LPCAT2: variants seen among roughly 807,000 people sequenced by gnomAD.
LPCAT2 encodes the protein lysophosphatidylcholine acyltransferase 2.
Under a neutral mutation model 64.7 loss-of-function variants are expected in LPCAT2, and 58 were observed. That is an observed-to-expected ratio of 0.90 (90% CI 0.73 to 1.12). The LOEUF is 1.12. LPCAT2 is among the 50% of genes most tolerant of loss of function. LPCAT2 has a pLI of 0.00. For missense variants in LPCAT2, 579 were observed against 669.8 expected, an observed-to-expected ratio of 0.86 and a Z score of 1.50; for synonymous variants, 252 against 245.3, an observed-to-expected ratio of 1.03 and a Z score of -0.26.
chr16:55,531,977 G>T lies in LPCAT2; in HGVS notation c.703+3G>T. ...CTGTTTGATTACTTTTAAACCAGGT[G>T]AGAAAAATTAAATTATGTATTCTAA... On this transcript the variant is annotated splice_donor_region_variant and intron_variant, in intron 5 of 13. Coordinates refer to ENST00000262134, the MANE Select transcript of LPCAT2 (RefSeq NM_017839.5). 1.3e-6 allele frequency: 2 copies of T among 1,551,706 alleles called. No homozygotes were observed. The highest frequency in any genetic ancestry group is 1.8e-6 in the Non-Finnish European group (2 of 1,124,750).
chr16:55,512,922 G>A (rs1962954559), intron 1 of LPCAT2, among the ~76,000 whole-genome samples: 1 of 152,170 alleles, frequency 6.6e-6, no homozygotes, highest in Non-Finnish European at 1.5e-5. Context: ...CCCTAAAAAA[G>A]TATAAAACTA....
intron 1 of LPCAT2, among the ~76,000 whole-genome samples, chr16:55,519,350 A>C (rs1963059972): frequency 6.6e-6 from 1 of 151,116 alleles, no homozygotes; most frequent in Admixed American, 6.6e-5. Context: ...AAAAAAAAAA[A>C]TACAAAAAAT....
rs74734884 is a variant in LPCAT2 at position 55,580,877 on chromosome 16, G to T, written c.1450+1633G>T. 1.9e-3 allele frequency among the ~76,000 whole-genome samples: 285 copies of T among 152,126 alleles called. 4 individuals carry two copies. The East Asian group carries it at 0.047, about 25-fold the overall frequency. On this transcript the variant is annotated intron_variant, in intron 13 of 13. Coordinates refer to ENST00000262134, the MANE Select transcript of LPCAT2 (RefSeq NM_017839.5). ...ACTGCACATGTGAGGGATCTAGGTT[G>T]CACGTTCCTTATGAGAATCCAATGC... is the stretch of plus-strand genomic sequence containing the variant.
At chr16:55,523,743 T>A (rs1963130812) in intron 1 of LPCAT2, among the ~76,000 whole-genome samples, 1 of 151,870 alleles carries the variant, frequency 6.6e-6, no homozygotes, top group Admixed American at 6.6e-5. Context: ...AAAGAAAGCC[T>A]ATCAGTGGTT....
intron 11 of LPCAT2, among the ~76,000 whole-genome samples, chr16:55,561,432 A>G (rs1963635297): frequency 6.9e-6 from 1 of 145,630 alleles, no homozygotes; most frequent in Admixed American, 7.0e-5. Context: ...TAAGGTTGCT[A>G]TTAATGTTCT....
In LPCAT2 at chr16:55,586,264, T is replaced by TAATC. The variant is rs1555498699; in HGVS notation, c.*3167_*3170dup. ...ATTTACTGTAACTCTTGTTTCTAGGTAATCGTTCTCTCTCAACAAACTTCT... is the reference window on the plus strand; with the variant it reads ...ATTTACTGTAACTCTTGTTTCTAGGTAATCAATCGTTCTCTCTCAACAAACTTCT... On this transcript the variant is annotated 3_prime_UTR_variant, in exon 14 of 14. Transcript: ENST00000262134. 6.6e-6 allele frequency: 1 copy of TAATC among 152,156 alleles called. No individual in the cohort carries two copies. The highest frequency in any genetic ancestry group is 2.4e-5 in the African/African-American group (1 of 41,444). The allele number at this position is 152,156 out of a possible 1,614,324, so 9.4% of individuals were successfully genotyped here. A position where few individuals can be genotyped will look rare whatever the true frequency, so the allele number is the denominator to read the frequency against.
At chr16:55,561,730 A>C (rs1259641043) in intron 11 of LPCAT2, among the ~76,000 whole-genome samples, 2 of 152,044 alleles carry the variant, frequency 1.3e-5, no homozygotes, top group Non-Finnish European at 2.9e-5. Context: ...AATGGGTTTA[A>C]ATCTGTCTAA....
At chr16:55,524,094 G>C (rs111237688) in intron 1 of LPCAT2, among the ~76,000 whole-genome samples, 12 of 151,820 alleles carry the variant, frequency 7.9e-5, no homozygotes, top group African/African-American at 2.9e-4. Flanking sequence ...TTACTTAAGA[G>C]AAATTAAAAC....
At chr16:55,572,558 A>T (rs1329677708) in intron 11 of LPCAT2, among the ~76,000 whole-genome samples, 1 of 152,216 alleles carries the variant, frequency 6.6e-6, no homozygotes, top group Non-Finnish European at 1.5e-5. Flanking sequence ...GGTGGTGGCA[A>T]AGAAGGAAAT....
chr16:55,564,064 C>T (rs554668735), intron 11 of LPCAT2, among the ~76,000 whole-genome samples: 3 of 151,682 alleles, frequency 2.0e-5, no homozygotes, highest in African/African-American at 7.3e-5. Flanking sequence ...CAACAATGAA[C>T]AATTCTGAAA....
chr16:55,549,778 T>G (rs1209263277), intron 10 of LPCAT2, among the ~76,000 whole-genome samples: 1 of 152,220 alleles, frequency 6.6e-6, no homozygotes, highest in Non-Finnish European at 1.5e-5. Flanking sequence ...AAACATGAAT[T>G]GATTTGTATA....
rs796664900 is a variant in LPCAT2, at chr16:55,569,236, C to T, written c.1216-5395C>T. Among the ~76,000 whole-genome samples, 95 of 152,308 alleles carry T rather than the reference C, an allele frequency of 6.2e-4. 1 individual carries two copies. The highest frequency in any genetic ancestry group is 2.2e-3 in the African/African-American group (90 of 41,562). ...ATCATACAATATTTATGAAACACCA[C>T]ACACATATAATTCTGAACTGAGCCA... On this transcript the variant is annotated intron_variant, in intron 11 of 13. Coordinates refer to ENST00000262134, the MANE Select transcript of LPCAT2 (RefSeq NM_017839.5).
At chr16:55,578,688 A>ATT (rs1963856050) in intron 12 of LPCAT2, among the ~76,000 whole-genome samples, 1 of 152,196 alleles carries the variant, frequency 6.6e-6, no homozygotes, top group African/African-American at 2.4e-5. Flanking sequence ...TTGGTGAGGA[A>ATT]TTATATACCC....
At chr16:55,545,850 T>A (rs1222734389) in intron 9 of LPCAT2, 33 bp downstream of exon 9, 1 of 1,507,674 alleles carries the variant, frequency 6.6e-7, no homozygotes. Context: ...AACTCATAAA[T>A]AATTTGAAAA....
In LPCAT2 at chr16:55,529,893, A is replaced by AGT; in HGVS notation, c.588_589insGT (p.Asn197ValfsTer4). ...CCCGTGTAGATCCGGATTCCCGAAA[A>AGT]AACACAATAAATGAAATAATAAAGC... On this transcript the variant is annotated frameshift_variant, in exon 4 of 14. Coordinates refer to ENST00000262134, the MANE Select transcript of LPCAT2 (RefSeq NM_017839.5). LOFTEE classifies it high-confidence loss of function. 6.5e-7 allele frequency: 1 copy of AGT among 1,531,834 alleles called. No homozygotes were observed. The highest frequency in any genetic ancestry group is 8.8e-7 in the Non-Finnish European group (1 of 1,139,534). The allele number at this position is 1,531,834 out of a possible 1,614,324, so 94.9% of individuals were successfully genotyped here.
intron 3 of LPCAT2, 57 bp downstream of exon 3, chr16:55,528,651 A>C: frequency 7.7e-7 from 1 of 1,295,450 alleles, no homozygotes; most frequent in Non-Finnish European, 1.1e-6. Context: ...CTTTAAATTA[A>C]AATAATCATA....
At chr16:55,579,950 G>T (rs1419447659) in intron 13 of LPCAT2, among the ~76,000 whole-genome samples, 1 of 149,394 alleles carries the variant, frequency 6.7e-6, no homozygotes, top group East Asian at 1.9e-4. Context: ...GCACTGGACT[G>T]AAGCTTCTCT....
intron 11 of LPCAT2, among the ~76,000 whole-genome samples, chr16:55,558,012 A>C (rs1028314263): frequency 7.2e-5 from 11 of 152,210 alleles, no homozygotes; most frequent in Non-Finnish European, 1.5e-4. Flanking sequence ...CATCTTTGAA[A>C]AACAAAAAAG....
At position 55,528,434 on chromosome 16, in the gene LPCAT2, A is replaced by T; in HGVS notation, c.369A>T (p.Gly123=). The change falls in exon 3 of 14, where the codon GGA becomes GGT. Residue 123 remains glycine (G), a synonymous_variant. Coordinates refer to ENST00000262134, the MANE Select transcript of LPCAT2 (RefSeq NM_017839.5). ...FLGRAMFFSM[G]FIVAVKGKIA... ...GTCGTGCTATGTTCTTTTCAATGGG[A>T]TTTATAGTTGCTGTAAAAGGAAAGA... 5.6e-6 allele frequency: 9 copies of T among 1,613,928 alleles called. No homozygotes were observed. Among genetic ancestry groups the T allele is most frequent in the Non-Finnish European group, 3.4e-6 (4 of 1,179,916 alleles).
Sources: gnomAD v4.1 joint callset for allele counts (sites outside exome capture counted in the v4.1 genomes callset) on GRCh38, gnomAD v4.1.1 for gene constraint, MANE v1.5 for transcripts, NCBI Gene and HGNC (gene_info 2026-07-23, HGNC 2026-07-21) for gene names.